The following SLC24A2 variants were observed in gnomAD, a reference collection of about 807,000 sequenced individuals.
The protein encoded by SLC24A2 is sodium/potassium/calcium exchanger 2.
In SLC24A2, 36 loss-of-function variants were observed where a neutral mutation model predicts 62.0. That is an observed-to-expected ratio of 0.58 (90% CI 0.44 to 0.77). SLC24A2 has a LOEUF of 0.77. Among genes scored for constraint, SLC24A2 ranks in the 30% least tolerant of loss-of-function variants. The pLI is 0.00. For missense variants in SLC24A2, 846 were observed against 817.9 expected (o/e 1.03, Z -0.42); for synonymous variants, 358 against 294.0 (o/e 1.22, Z -2.23).
At chr9:19,680,125 A>C (rs1406295602) in intron 2 of SLC24A2, among the ~76,000 whole-genome samples, 1 of 102,530 alleles carries the variant, frequency 9.8e-6, no homozygotes, top group East Asian at 4.4e-4. Flanking sequence ...AAGAATTCAC[A>C]GTCTACAGGG....
chr9:20,096,262 T>A, the SLC24A2 span, among the ~76,000 whole-genome samples: 6 of 152,226 alleles, frequency 3.9e-5, no homozygotes, highest in African/African-American at 1.4e-4. Context: ...TTACCAGGTA[T>A]CACACAAAGT....
chr9:19,868,801 G>T, the SLC24A2 span, among the ~76,000 whole-genome samples: 1 of 149,244 alleles, frequency 6.7e-6, no homozygotes, highest in South Asian at 2.1e-4. Context: ...CTCTCTTTTG[G>T]TTACTCTTTG....
chr9:19,525,309 G>C (rs760048812), intron 9 of SLC24A2, among the ~76,000 whole-genome samples: 1 of 150,048 alleles, frequency 6.7e-6, no homozygotes, highest in African/African-American at 2.5e-5. Flanking sequence ...TAAAAACCAA[G>C]GTATGCTTTA....
chr9:20,222,458 T>C, the SLC24A2 span, among the ~76,000 whole-genome samples: 2 of 152,070 alleles, frequency 1.3e-5, no homozygotes, highest in Non-Finnish European at 2.9e-5. Flanking sequence ...TGGTATCCCA[T>C]CTGGTAATTT....
chr9:19,558,263 T>A lies in SLC24A2; in HGVS notation c.1348-7995A>T, dbSNP rs1314770283. 4.6e-5 allele frequency among the ~76,000 whole-genome samples: 7 copies of A among 152,302 alleles called. No individual in the cohort carries two copies. The East Asian group carries it at 5.8e-4, about 13-fold the overall frequency. ...CACTGAGATGCCCTCTTCTCTCCTT[T>A]AGCTTACTGAGTAACATCTCCAAGT... On this transcript the variant is annotated intron_variant, in intron 7 of 10. Transcript: ENST00000341998.
chr9:20,043,935 C>A, the SLC24A2 span, among the ~76,000 whole-genome samples: 1 of 152,140 alleles, frequency 6.6e-6, no homozygotes, highest in South Asian at 2.1e-4. Flanking sequence ...AGAAAAAAAT[C>A]TTTCATAAAA....
chr9:20,305,966 GTGTC>G, the SLC24A2 span, among the ~76,000 whole-genome samples: 5 of 152,156 alleles, frequency 3.3e-5, no homozygotes, highest in Non-Finnish European at 7.3e-5. Context: ...TTTTCTCTGT[GTGTC>G]TGTGTCCTTT....
At position 19,560,853 on chromosome 9, in the gene SLC24A2, C is replaced by T. The variant is rs537754036; in HGVS notation, c.1348-10585G>A. Among the ~76,000 whole-genome samples the T allele has an allele frequency of 4.1e-5, 6 of 146,924 alleles. No individual in the cohort carries two copies. The East Asian group carries it at 8.0e-4, about 20-fold the overall frequency. On this transcript the variant is annotated intron_variant, in intron 7 of 10. Transcript: ENST00000341998. ...CCATAGAAAGATCTCTATCTTTGTT[C>T]TTTTAATTTCTCAATGTCTTTGCAT...
chr9:20,085,996 A>G, the SLC24A2 span, among the ~76,000 whole-genome samples: 1 of 152,198 alleles, frequency 6.6e-6, no homozygotes, highest in African/African-American at 2.4e-5. Context: ...TTCTGCCCAG[A>G]AAGATCCATG....
intron 2 of SLC24A2, among the ~76,000 whole-genome samples, chr9:19,706,395 T>C (rs1282052796): frequency 6.6e-6 from 1 of 150,832 alleles, no homozygotes; most frequent in Non-Finnish European, 1.5e-5. Context: ...TTTTTTTTTT[T>C]TTGAGACGGA....
chr9:19,521,768 G>C (rs969758357), intron 9 of SLC24A2, among the ~76,000 whole-genome samples: 2 of 152,056 alleles, frequency 1.3e-5, no homozygotes, highest in Non-Finnish European at 2.9e-5. Context: ...TACCTTACCA[G>C]GTACTTGTGA....
chr9:19,944,283 G>A, the SLC24A2 span, among the ~76,000 whole-genome samples: 4 of 151,980 alleles, frequency 2.6e-5, no homozygotes, highest in Non-Finnish European at 5.9e-5. Context: ...CTCAAAAACG[G>A]CAAAATCAAA....
intron 2 of SLC24A2, among the ~76,000 whole-genome samples, chr9:19,687,206 A>C (rs1020934522): frequency 6.6e-6 from 1 of 152,092 alleles, no homozygotes; most frequent in African/African-American, 2.4e-5. Context: ...GTGACAACAT[A>C]ATCTGTACAC....
At chr9:20,107,847 G>A in the SLC24A2 span, among the ~76,000 whole-genome samples, 1 of 152,062 alleles carries the variant, frequency 6.6e-6, no homozygotes, top group Non-Finnish European at 1.5e-5. Flanking sequence ...TGACAAATGG[G>A]ATCTAATTAA....
the SLC24A2 span, among the ~76,000 whole-genome samples, chr9:20,174,906 C>T: frequency 1.1e-4 from 17 of 151,762 alleles, no homozygotes; most frequent in Non-Finnish European, 8.8e-5. Context: ...CACACACATG[C>T]TTATAGCAGC....
At chr9:19,559,804 T>C (rs960132419) in intron 7 of SLC24A2, among the ~76,000 whole-genome samples, 1 of 152,210 alleles carries the variant, frequency 6.6e-6, no homozygotes, top group Non-Finnish European at 1.5e-5. Context: ...ACCTCCATTG[T>C]TTCCTAAACA....
the SLC24A2 span, among the ~76,000 whole-genome samples, chr9:19,802,257 G>A: frequency 1.3e-5 from 2 of 152,198 alleles, no homozygotes; most frequent in African/African-American, 4.8e-5. Context: ...TTTGGGAGAA[G>A]CACCAGTTTA....
the SLC24A2 span, among the ~76,000 whole-genome samples, chr9:20,249,635 G>T: frequency 6.8e-6 from 1 of 146,788 alleles, no homozygotes; most frequent in Admixed American, 7.1e-5. Flanking sequence ...AACCCAGGAG[G>T]CAGAGGCTAC....
chr9:19,599,976 T>G lies in SLC24A2; in HGVS notation c.1079-2697A>C, dbSNP rs530479190. ...GGGGCTAATCCAAGGTTAGTTTTTT[T>G]GGGGATAGGAGGAAAGAAGTAAGGG... On this transcript the variant is annotated intron_variant, in intron 4 of 10. Transcript: ENST00000341998. The surrounding 1 kb of genome is among the most constrained non-coding windows in gnomAD (Gnocchi z 4.5). 6.6e-6 allele frequency among the ~76,000 whole-genome samples: 1 copy of G among 152,298 alleles called. No homozygotes were observed. The highest frequency in any genetic ancestry group is 1.9e-4 in the East Asian group (1 of 5,180).
Sources: gnomAD v4.1 joint callset for allele counts (sites outside exome capture counted in the v4.1 genomes callset) on GRCh38, gnomAD v4.1.1 for gene constraint, Gnocchi (gnomAD v3.1) non-coding constraint, MANE v1.5 for transcripts, NCBI Gene and HGNC (gene_info 2026-07-23, HGNC 2026-07-21) for gene names.